ODAD2: variants seen among roughly 807,000 people sequenced by gnomAD.
ODAD2 encodes the protein outer dynein arm docking complex subunit 2.
In ODAD2, 89 loss-of-function variants were observed where a neutral mutation model predicts 106.8. The ratio of observed to expected loss-of-function variants is 0.83; its 90% CI spans 0.70 to 0.99. The LOEUF (loss-of-function observed/expected upper bound fraction) is 0.99. Ranked by LOEUF, ODAD2 falls within the 50% of genes least tolerant of loss-of-function variation. ODAD2 has a pLI of 0.00. For missense variants in ODAD2, 1,168 were observed against 1,238.5 expected (o/e 0.94, Z 0.85); for synonymous variants, 404 against 436.2 (o/e 0.93, Z 0.92).
chr10:27,867,198 A>T (rs1840503585), intron 17 of ODAD2, among the ~76,000 whole-genome samples: 1 of 152,172 alleles, frequency 6.6e-6, no homozygotes, highest in South Asian at 2.1e-4. Flanking sequence ...GGGAAGGCAG[A>T]GGCATTTGTG....
At position 27,924,012 on chromosome 10, in the gene ODAD2, A is replaced by AAGAAAGAGAGAG. The variant is rs1590035462; in HGVS notation, c.2495+10997_2495+10998insCTCTCTCTTTCT. Among the ~76,000 whole-genome samples, 458 of 113,276 alleles carry AAGAAAGAGAGAG rather than the reference A, an allele frequency of 4.0e-3. 38 individuals carry two copies. The highest frequency in any genetic ancestry group is 0.017 in the African/African-American group (416 of 24,600). 74.3% of individuals were successfully genotyped at this position (113,276 alleles called of 152,430 possible). A position where few individuals can be genotyped will look rare whatever the true frequency, so the allele number is the denominator to read the frequency against. ...AAAGAAAGAAAGAAAGAAAGAAAGA[A>AAGAAAGAGAGAG]AGAAAGAAAGAAGGAAAGAGAAAGA... On this transcript the variant is annotated intron_variant, in intron 16 of 19. Coordinates refer to ENST00000305242, the MANE Select transcript of ODAD2 (RefSeq NM_018076.5).
At chr10:27,988,871 G>A (rs918788186) in intron 2 of ODAD2, among the ~76,000 whole-genome samples, 2 of 152,158 alleles carry the variant, frequency 1.3e-5, no homozygotes, top group Admixed American at 6.5e-5. Flanking sequence ...ATTAAGTCAA[G>A]GATCCTGAGA....
chr10:27,972,223 G>A (rs1564565242), intron 7 of ODAD2, among the ~76,000 whole-genome samples: 6 of 152,046 alleles, frequency 3.9e-5, no homozygotes, highest in South Asian at 2.1e-4. Flanking sequence ...TAAAGGAGAC[G>A]TGACAAATTT....
intron 16 of ODAD2, among the ~76,000 whole-genome samples, chr10:27,934,375 T>G (rs895581208): frequency 3.3e-5 from 5 of 151,070 alleles, no homozygotes; most frequent in Non-Finnish European, 7.4e-5. Context: ...AAGATATATA[T>G]CTTTATAAAA....
intron 10 of ODAD2, among the ~76,000 whole-genome samples, chr10:27,946,769 A>G (rs1007220687): frequency 3.9e-5 from 6 of 152,200 alleles, no homozygotes; most frequent in African/African-American, 1.2e-4. Context: ...TGACACATGT[A>G]CACATATGCA....
At chr10:27,969,467 G>C (rs1182416932) in intron 8 of ODAD2, among the ~76,000 whole-genome samples, 2 of 152,280 alleles carry the variant, frequency 1.3e-5, no homozygotes, top group Non-Finnish European at 1.5e-5. Flanking sequence ...ATGCTTGAAA[G>C]AGTAAGAATA....
At chr10:27,847,721 A>C (rs1465945545) in intron 19 of ODAD2, among the ~76,000 whole-genome samples, 1 of 152,118 alleles carries the variant, frequency 6.6e-6, no homozygotes, top group Admixed American at 6.5e-5. Flanking sequence ...ACTTCAGCAA[A>C]GTCTCAGGAT....
At chr10:27,837,116 C>T (rs1474490822) in intron 19 of ODAD2, among the ~76,000 whole-genome samples, 1 of 152,096 alleles carries the variant, frequency 6.6e-6, no homozygotes, top group Non-Finnish European at 1.5e-5. Context: ...AATTTGTTGT[C>T]CACACAATTC....
rs72095120 is a variant in ODAD2, at chr10:27,820,777, C to CTTTT, written c.3022-8156_3022-8153dup. Among the ~76,000 whole-genome samples, 413 of 105,240 alleles carry CTTTT rather than the reference C, an allele frequency of 3.9e-3. 1 individual carries two copies. Among genetic ancestry groups the CTTTT allele is most frequent in the African/African-American group, 5.8e-3 (149 of 25,684 alleles). 69.0% of individuals were successfully genotyped at this position (105,240 alleles called of 152,430 possible). A position where few individuals can be genotyped will look rare whatever the true frequency, so the allele number is the denominator to read the frequency against. ...CAATTAAACCAATGAAGCCCAGCAA[C>CTTTT]TTTTTTTTTTTTTTTTTTTTTTTTG... On this transcript the variant is annotated intron_variant, in intron 19 of 19. Transcript: ENST00000305242.
chr10:27,869,008 T>G (rs1378690208), intron 17 of ODAD2, among the ~76,000 whole-genome samples: 1 of 151,818 alleles, frequency 6.6e-6, no homozygotes, highest in Non-Finnish European at 1.5e-5. Context: ...AGGAAAATAA[T>G]AAAAGCAATG....
chr10:27,897,242 C>G (rs1401120851), intron 17 of ODAD2, among the ~76,000 whole-genome samples: 1 of 152,076 alleles, frequency 6.6e-6, no homozygotes, highest in African/African-American at 2.4e-5. Flanking sequence ...TCCACCTACA[C>G]TCAGACCTCC....
intron 7 of ODAD2, among the ~76,000 whole-genome samples, chr10:27,973,018 T>C (rs1047408879): frequency 1.3e-5 from 2 of 151,998 alleles, no homozygotes; most frequent in Non-Finnish European, 2.9e-5. Context: ...AAAATGAACA[T>C]TAATAAGTTT....
chr10:27,860,588 C>A lies in ODAD2; in HGVS notation c.3021+37G>T, dbSNP rs763664814. On this transcript the variant is annotated intron_variant, in intron 19 of 19. Transcript: ENST00000305242. Reference sequence around the variant, plus strand: ...AAGTTTCTTTCCAGGCTACATTTACCAAACTTGGACTAAACCACAAAGTCA... The same window carrying A: ...AAGTTTCTTTCCAGGCTACATTTACAAAACTTGGACTAAACCACAAAGTCA... The A allele has an allele frequency of 3.8e-6, 6 of 1,591,378 alleles. No individual in the cohort carries two copies. The East Asian group carries it at 1.3e-4, about 36-fold the overall frequency.
chr10:27,941,152 A>C (rs1020725810), intron 12 of ODAD2, among the ~76,000 whole-genome samples: 8 of 152,120 alleles, frequency 5.3e-5, no homozygotes, highest in African/African-American at 1.9e-4. Flanking sequence ...AACCATTAGC[A>C]CTTTCTAAGG....
chr10:27,815,193 A>G (rs925922459), intron 19 of ODAD2, among the ~76,000 whole-genome samples: 1 of 152,076 alleles, frequency 6.6e-6, no homozygotes, highest in Admixed American at 6.5e-5. Context: ...CCCACCATCC[A>G]CTTGTATTCT....
At chr10:27,983,574 G>C (rs1484422334) in intron 6 of ODAD2, among the ~76,000 whole-genome samples, 1 of 152,178 alleles carries the variant, frequency 6.6e-6, no homozygotes, top group Non-Finnish European at 1.5e-5. Context: ...AATCAGTGAA[G>C]TGATTACGTT....
At chr10:27,866,052 C>T (rs900381761) in intron 17 of ODAD2, among the ~76,000 whole-genome samples, 7 of 152,238 alleles carry the variant, frequency 4.6e-5, no homozygotes, top group South Asian at 2.1e-4. Context: ...CTGTGTAATA[C>T]AAAAGAAATG....
rs1229853743 is a variant in ODAD2 at position 27,862,557 on chromosome 10, T to G, written c.2676A>C (p.Ser892=). 6.2e-7 allele frequency: 1 copy of G among 1,611,540 alleles called. No individual in the cohort carries two copies. The change falls in exon 18 of 20, where the codon TCA becomes TCC. Residue 892 remains serine (S), a synonymous_variant. Transcript: ENST00000305242. ...GLELIVNLLK[S]DNKEVLASVC... is the part of the protein sequence containing the mutation. ...CACTTGCCAGAACTTCTTTGTTATC[T>G]GATTTCAGTAAATTGACAATAAGTT...
chr10:27,970,294 C>T (rs913667635), intron 8 of ODAD2, among the ~76,000 whole-genome samples: 4 of 151,996 alleles, frequency 2.6e-5, no homozygotes, highest in African/African-American at 9.7e-5. Flanking sequence ...TATATAGGTC[C>T]ATTCATATTT....
Sources: allele counts gnomAD v4.1 joint callset (sites outside exome capture counted in the v4.1 genomes callset), GRCh38; gene constraint gnomAD v4.1.1; transcripts MANE v1.5; gene names NCBI Gene and HGNC (gene_info 2026-07-23, HGNC 2026-07-21).